Variants in IFI16 observed in about 807,000 individuals in gnomAD.
The protein encoded by IFI16 is gamma-interferon-inducible protein 16.
IFI16 carries 49 observed loss-of-function variants against 68.4 expected under a neutral mutation model. The observed-to-expected ratio is 0.72, with a 90% CI of 0.57 to 0.91. The LOEUF is 0.91. Ranked by LOEUF, IFI16 falls within the 40% of genes least tolerant of loss-of-function variation. IFI16 has a pLI of 0.00. For synonymous variants in IFI16, 307 were observed against 315.0 expected (o/e 0.97, Z 0.27); for missense variants, 878 against 942.9 (o/e 0.93, Z 0.90).
chr1:159,037,540 A>G (rs1394059551), intron 7 of IFI16, among the ~76,000 whole-genome samples: 3 of 152,242 alleles, frequency 2.0e-5, no homozygotes, highest in African/African-American at 4.8e-5. Context: ...TGCCTGAATC[A>G]TGATCGGGTA....
chr1:159,042,783 G>C (rs1400898885), intron 7 of IFI16, among the ~76,000 whole-genome samples: 1 of 151,090 alleles, frequency 6.6e-6, no homozygotes, highest in African/African-American at 2.4e-5. Flanking sequence ...CAACACAGGG[G>C]TGGGAAAGTG....
chr1:159,022,351 T>A (rs973528781), intron 6 of IFI16, among the ~76,000 whole-genome samples: 1 of 152,206 alleles, frequency 6.6e-6, no homozygotes, highest in Non-Finnish European at 1.5e-5. Context: ...ATCAATTTAA[T>A]TTTTTCAGCA....
At chr1:159,011,174 A>G (rs557373798) in intron 1 of IFI16, among the ~76,000 whole-genome samples, 7 of 152,262 alleles carry the variant, frequency 4.6e-5, no homozygotes, top group Admixed American at 2.0e-4. Flanking sequence ...ACTTGACGTC[A>G]GGAGTTCCAG....
chr1:159,011,238 GC>G (rs1390382665), intron 1 of IFI16, among the ~76,000 whole-genome samples: 2 of 151,990 alleles, frequency 1.3e-5, no homozygotes, highest in Non-Finnish European at 2.9e-5. Context: ...ACAATAATTA[GC>G]CGGGTATGGT....
upstream of IFI16, chr1:159,009,100 G>C (rs1030760859): frequency 6.6e-6 from 1 of 152,126 alleles, no homozygotes; most frequent in Non-Finnish European, 1.5e-5. Context: ...TCACACTACC[G>C]GAAGTTCAGT....
intron 6 of IFI16, among the ~76,000 whole-genome samples, chr1:159,030,876 T>TGGGGGGGGGG (rs55744576): frequency 3.4e-5 from 5 of 148,578 alleles, no homozygotes; most frequent in African/African-American, 1.3e-4. Flanking sequence ...AGGTGGTGGG[T>TGGGGGGGGGG]GGGGGGGCCA....
At chr1:159,007,199 T>C (rs1457000765), upstream of IFI16, among the ~76,000 whole-genome samples, 1 of 152,222 alleles carries the variant, frequency 6.6e-6, no homozygotes, top group Admixed American at 6.5e-5. Context: ...AGACAAATGT[T>C]AGTATTCCAA....
intron 2 of IFI16, among the ~76,000 whole-genome samples, chr1:159,015,408 T>TA (rs1373932373): frequency 6.6e-6 from 1 of 151,998 alleles, no homozygotes; most frequent in East Asian, 1.9e-4. Context: ...TATATCAAGT[T>TA]AAAAAAAAGG....
chr1:159,040,208 T>G (rs1160337233), intron 7 of IFI16, among the ~76,000 whole-genome samples: 1 of 151,498 alleles, frequency 6.6e-6, no homozygotes, highest in Non-Finnish European at 1.5e-5. Context: ...CAGATGCATA[T>G]GAGGCATATA....
In IFI16 at chr1:159,016,530, C is replaced by T; in HGVS notation, c.382-3C>T. 2 of 1,602,104 alleles carry T rather than the reference C, an allele frequency of 1.2e-6. No homozygotes were observed. The highest frequency in any genetic ancestry group is 1.7e-6 in the Non-Finnish European group (2 of 1,175,634). ...AATAACAGGAAAATCAAACCACTTT[C>T]AGAAAAGAAAAAAATCAACCAAAGA... is the stretch of plus-strand genomic sequence containing the variant. On this transcript the variant is annotated splice_region_variant and splice_polypyrimidine_tract_variant and intron_variant, in intron 3 of 11. Coordinates refer to ENST00000295809, the MANE Select transcript of IFI16 (RefSeq NM_001376587.1).
In IFI16 at chr1:159,053,529, G is replaced by A; in HGVS notation, c.2086-4G>A. Reference sequence around the variant, plus strand: ...AGAAGATAAGTGTTAATTTTCTTTTGCAGAAAAATGTAAGGGGTGAATTCA... The same window carrying A: ...AGAAGATAAGTGTTAATTTTCTTTTACAGAAAAATGTAAGGGGTGAATTCA... On this transcript the variant is annotated splice_region_variant and splice_polypyrimidine_tract_variant and intron_variant, in intron 10 of 11. Transcript: ENST00000295809. 6.4e-7 allele frequency: 1 copy of A among 1,573,744 alleles called. No individual in the cohort carries two copies. The highest frequency in any genetic ancestry group is 8.7e-7 in the Non-Finnish European group (1 of 1,148,674).
At chr1:159,041,208 A>G (rs1462062516) in intron 7 of IFI16, among the ~76,000 whole-genome samples, 1 of 152,220 alleles carries the variant, frequency 6.6e-6, no homozygotes, top group East Asian at 1.9e-4. Flanking sequence ...ATGGGTTTTC[A>G]CTATTATAAT....
rs141435083 is a variant in IFI16 at position 159,044,660 on chromosome 1, T to C, written c.1330-637T>C. Among the ~76,000 whole-genome samples the C allele has an allele frequency of 9.0e-3, 1,377 of 152,276 alleles. 27 individuals carry two copies. Among genetic ancestry groups the C allele is most frequent in the Non-Finnish European group, 0.012 (828 of 67,988 alleles). ...TGTGATTTTAGAGATATTCCCCAAT[T>C]TTACTTGAAAAATGTATAAAAATAT... On this transcript the variant is annotated intron_variant, in intron 7 of 11. Coordinates refer to ENST00000295809, the MANE Select transcript of IFI16 (RefSeq NM_001376587.1).
chr1:159,009,416 C>T (rs1346637365), upstream of IFI16, among the ~76,000 whole-genome samples: 1 of 152,150 alleles, frequency 6.6e-6, no homozygotes, highest in Admixed American at 6.5e-5. Context: ...ATTTCCCCAA[C>T]CAGGAGATGC....
intron 1 of IFI16, among the ~76,000 whole-genome samples, chr1:159,000,585 C>G (rs1024486207): frequency 6.6e-6 from 1 of 152,130 alleles, no homozygotes; most frequent in African/African-American, 2.4e-5. Context: ...ATTTTTAAAA[C>G]AGAGTTATTC....
chr1:159,013,320 C>T (rs1394232293), intron 1 of IFI16, among the ~76,000 whole-genome samples: 1 of 151,822 alleles, frequency 6.6e-6, no homozygotes, highest in Non-Finnish European at 1.5e-5. Context: ...AAGCGCTTGC[C>T]ACCACACCTG....
rs755354021 is a variant in IFI16, at chr1:159,032,680, T to G, written c.1318T>G (p.Phe440Val). Residue 440 changes from phenylalanine (F) to valine (V), a missense_variant, in exon 7 of 12, where the codon TTC becomes GTC. By Grantham distance (50) the Phe-to-Val change is conservative. Around this residue, in one of 4 missense-constraint regions of IFI16, gnomAD observed 443 missense variants for 421.8 expected, o/e 1.05. Coordinates refer to ENST00000295809, the MANE Select transcript of IFI16 (RefSeq NM_001376587.1). ...GCCACCAACAACTCCATCCAGCAGTTTCTTCACCAAGGTACAATTTCCTGG... is the reference window on the plus strand; with the variant it reads ...GCCACCAACAACTCCATCCAGCAGTGTCTTCACCAAGGTACAATTTCCTGG... ...QMPPTTPSSS[F>V]FTKKSEDTIS... The G allele has an allele frequency of 4.4e-6, 7 of 1,592,582 alleles. No individual in the cohort carries two copies. Among genetic ancestry groups the G allele is most frequent in the Non-Finnish European group, 6.0e-6 (7 of 1,172,576 alleles).
chr1:159,032,999 G>A (rs182216031), intron 7 of IFI16, among the ~76,000 whole-genome samples: 81 of 151,946 alleles, frequency 5.3e-4, no homozygotes, highest in Non-Finnish European at 9.0e-4. Flanking sequence ...ACAAGAATGC[G>A]TTCAGATCCT....
chr1:159,008,678 C>A (rs1268431597), upstream of IFI16, among the ~76,000 whole-genome samples: 1 of 152,156 alleles, frequency 6.6e-6, no homozygotes, highest in Non-Finnish European at 1.5e-5. Flanking sequence ...AATGTATCCA[C>A]GTAAAGAGTA....
Sources: allele counts gnomAD v4.1 joint callset (sites outside exome capture counted in the v4.1 genomes callset), GRCh38; gene constraint gnomAD v4.1.1; regional missense constraint gnomAD v4.1.1; transcripts MANE v1.5; gene names NCBI Gene and HGNC (gene_info 2026-07-23, HGNC 2026-07-21).